XXYLT1: variants seen among roughly 807,000 people sequenced by gnomAD.
XXYLT1 encodes the protein xyloside xylosyltransferase 1, also known as UDP-xylose:alpha-xyloside alpha-1,3-xylosyltransferase.
A neutral mutation model predicts 28.9 loss-of-function variants in XXYLT1; 20 were observed. The observed-to-expected ratio is 0.69, with a 90% CI of 0.49 to 1.00. XXYLT1 has a LOEUF of 1.00. Ranked by LOEUF, XXYLT1 falls within the 50% of genes least tolerant of loss-of-function variation. XXYLT1 has a pLI of 0.00. For missense variants in XXYLT1, 542 were observed against 560.1 expected (o/e 0.97, Z 0.33); for synonymous variants, 257 against 253.8 (o/e 1.01, Z -0.12).
chr3:195,076,036 G>A lies in XXYLT1; in HGVS notation c.786-5925C>T, dbSNP rs1349979966. Among the ~76,000 whole-genome samples, 2 of 152,170 alleles carry A rather than the reference G, an allele frequency of 1.3e-5. No individual in the cohort carries two copies. Among genetic ancestry groups the A allele is most frequent in the African/African-American group, 4.8e-5 (2 of 41,450 alleles). ...GGCCCTCCCTCCAACATGAGCCACAGCTCCTCCCCTCCAGAAAGAACCAGC... is the reference window on the plus strand; with the variant it reads ...GGCCCTCCCTCCAACATGAGCCACAACTCCTCCCCTCCAGAAAGAACCAGC... On this transcript the variant is annotated intron_variant, in intron 3 of 3. Coordinates refer to ENST00000310380, the MANE Select transcript of XXYLT1 (RefSeq NM_152531.5). This position sits in a 1 kb window ranked among gnomAD's most constrained non-coding sequence, Gnocchi z 5.3.
Position 195,131,110 on chromosome 3 carries a change from C to T in XXYLT1, c.785+25339G>A, listed in dbSNP as rs150206936. ...ACCCAAACAGTGTTCTCCCTTGTGC[C>T]GGCCTGCTCCATTGGCCGGTTCCTT... On this transcript the variant is annotated intron_variant, in intron 3 of 3. Transcript: ENST00000310380. Among the ~76,000 whole-genome samples the T allele has an allele frequency of 3.3e-3, 507 of 152,282 alleles. 2 individuals are homozygous for T. Among genetic ancestry groups the T allele is most frequent in the African/African-American group, 0.012 (485 of 41,572 alleles).
At chr3:195,197,750 T>C (rs1444805435) in intron 2 of XXYLT1, among the ~76,000 whole-genome samples, 1 of 152,232 alleles carries the variant, frequency 6.6e-6, no homozygotes, top group Non-Finnish European at 1.5e-5. Flanking sequence ...GACCTTCACA[T>C]TGCTAAATCT....
At chr3:195,178,384 C>T (rs548099350) in intron 2 of XXYLT1, among the ~76,000 whole-genome samples, 2 of 152,294 alleles carry the variant, frequency 1.3e-5, no homozygotes, top group South Asian at 2.1e-4. Flanking sequence ...CTTGAGAAGC[C>T]GGCCCTGCTC....
At chr3:195,160,799 G>A (rs144900463) in intron 2 of XXYLT1, among the ~76,000 whole-genome samples, 10 of 152,350 alleles carry the variant, frequency 6.6e-5, no homozygotes, top group African/African-American at 2.2e-4. Context: ...TAGAGGGTCC[G>A]CCCCGCGACG....
chr3:195,069,407 C>T lies in XXYLT1; in HGVS notation c.*308G>A, dbSNP rs759925740. On this transcript the variant is annotated 3_prime_UTR_variant, in exon 4 of 4. Transcript: ENST00000310380. ...AGGATTTCCATTCCTCAGAGGCAGACAGCAAGGGGGACCCTTTCTCCCCTT... is the reference window on the plus strand; with the variant it reads ...AGGATTTCCATTCCTCAGAGGCAGATAGCAAGGGGGACCCTTTCTCCCCTT... 5.5e-6 allele frequency: 2 copies of T among 363,550 alleles called. No homozygotes were observed. Among genetic ancestry groups the T allele is most frequent in the African/African-American group, 2.0e-5 (1 of 48,960 alleles). 22.5% of individuals were successfully genotyped at this position (363,550 alleles called of 1,614,324 possible).
rs1725426870 is a variant in XXYLT1 at position 195,255,060 on chromosome 3, A to C, written c.504+15495T>G. On this transcript the variant is annotated intron_variant, in intron 1 of 3. Transcript: ENST00000310380. This position sits in a 1 kb window ranked among gnomAD's most constrained non-coding sequence, Gnocchi z 4.5. ...CTCGGACCCTGTCCCCAACTGCCCC[A>C]GGCTGGGAAATTCACCAGCACTGCG... is the stretch of plus-strand genomic sequence containing the variant. Among the ~76,000 whole-genome samples the C allele has an allele frequency of 6.6e-6, 1 of 152,210 alleles. No homozygotes were observed. The highest frequency in any genetic ancestry group is 1.5e-5 in the Non-Finnish European group (1 of 68,034).
intron 1 of XXYLT1, among the ~76,000 whole-genome samples, chr3:195,263,626 C>A (rs1365729120): frequency 6.6e-6 from 1 of 152,156 alleles, no homozygotes; most frequent in African/African-American, 2.4e-5. Context: ...AAACCTCAAG[C>A]TAAATAAATA....
At chr3:195,247,680 G>A (rs1304866772) in intron 1 of XXYLT1, 5 of 605,112 alleles carry the variant, frequency 8.3e-6, no homozygotes, top group African/African-American at 1.9e-5. Flanking sequence ...CCCAGGGCAG[G>A]CTCAGCTGCT....
chr3:195,214,410 C>T (rs1252333360), intron 2 of XXYLT1, among the ~76,000 whole-genome samples: 1 of 152,112 alleles, frequency 6.6e-6, no homozygotes, highest in South Asian at 2.1e-4. Context: ...CCCAGGCCTG[C>T]TGACCCCACC....
chr3:195,111,789 G>A (rs567862994), intron 3 of XXYLT1, among the ~76,000 whole-genome samples: 1 of 152,198 alleles, frequency 6.6e-6, no homozygotes, highest in African/African-American at 2.4e-5. Context: ...CCTTGAGGCT[G>A]GATTACCTCA....
intron 3 of XXYLT1, among the ~76,000 whole-genome samples, chr3:195,140,739 A>G (rs1355781525): frequency 1.3e-5 from 2 of 152,168 alleles, no homozygotes; most frequent in African/African-American, 4.8e-5. Context: ...ATGAGGACTC[A>G]TTCACTATCA....
intron 3 of XXYLT1, among the ~76,000 whole-genome samples, chr3:195,112,521 CACACACAG>C (rs1717802063): frequency 1.5e-5 from 2 of 136,328 alleles, no homozygotes; most frequent in Non-Finnish European, 3.3e-5. Context: ...CACCCACACA[CACACACAG>C]AGCCCCCAGC....
intron 2 of XXYLT1, among the ~76,000 whole-genome samples, chr3:195,162,276 C>T (rs1420262421): frequency 4.6e-5 from 7 of 152,144 alleles, no homozygotes; most frequent in Non-Finnish European, 8.8e-5. Context: ...AGCCAGGATA[C>T]GGCCAGCGCT....
intron 3 of XXYLT1, among the ~76,000 whole-genome samples, chr3:195,087,058 G>A (rs1158461418): frequency 3.9e-5 from 6 of 152,154 alleles, no homozygotes; most frequent in Non-Finnish European, 5.9e-5. Context: ...CTGCCTCGGT[G>A]CAGCTTCTCT....
intron 3 of XXYLT1, among the ~76,000 whole-genome samples, chr3:195,110,165 GGTGTCTGA>G (rs1717455739): frequency 1.7e-5 from 1 of 59,922 alleles, no homozygotes; most frequent in African/African-American, 4.8e-5. Context: ...TGTTGTGTGT[GGTGTCTGA>G]GTATGTGTGT....
intron 3 of XXYLT1, among the ~76,000 whole-genome samples, chr3:195,110,536 C>A (rs1172943451): frequency 1.6e-3 from 50 of 31,944 alleles, no homozygotes; most frequent in Admixed American, 3.3e-3. Context: ...TGTACGTGTG[C>A]GTGTGTGTGG....
At chr3:195,137,317 C>G (rs548552771) in intron 3 of XXYLT1, among the ~76,000 whole-genome samples, 29 of 152,314 alleles carry the variant, frequency 1.9e-4, no homozygotes, top group Admixed American at 1.8e-3. Flanking sequence ...TTGTTGGAAG[C>G]TATTTTCAGC....
chr3:195,112,563 A>G (rs1717808177), intron 3 of XXYLT1, among the ~76,000 whole-genome samples: 1 of 149,756 alleles, frequency 6.7e-6, no homozygotes, highest in African/African-American at 2.5e-5. Flanking sequence ...AGCTAGATGA[A>G]GCAGTGCACA....
chr3:195,263,468 G>C (rs997154876), intron 1 of XXYLT1, among the ~76,000 whole-genome samples: 1 of 152,132 alleles, frequency 6.6e-6, no homozygotes, highest in African/African-American at 2.4e-5. Flanking sequence ...TTGGGAGGGA[G>C]CGAGTTCTCA....
Sources: gnomAD v4.1 joint callset for allele counts (sites outside exome capture counted in the v4.1 genomes callset) on GRCh38, gnomAD v4.1.1 for gene constraint, Gnocchi (gnomAD v3.1) non-coding constraint, MANE v1.5 for transcripts, NCBI Gene and HGNC (gene_info 2026-07-23, HGNC 2026-07-21) for gene names.